Variants in TCEA3 observed in about 807,000 individuals in gnomAD.
TCEA3 encodes transcription elongation factor A3, also known as transcription elongation factor A protein 3.
A neutral mutation model predicts 44.0 loss-of-function variants in TCEA3; 36 were observed. That is an observed-to-expected ratio of 0.82 (90% CI 0.63 to 1.08). TCEA3 has a LOEUF of 1.08. TCEA3 is among the 50% of genes least tolerant of loss of function. TCEA3 has a pLI of 0.00. For missense variants in TCEA3, 392 were observed against 441.2 expected, an observed-to-expected ratio of 0.89 and a Z score of 1.00; for synonymous variants, 162 against 159.7, an observed-to-expected ratio of 1.01 and a Z score of -0.11.
chr1:23,385,313 C>A (rs1384617535), intron 9 of TCEA3, among the ~76,000 whole-genome samples: 1 of 152,196 alleles, frequency 6.6e-6, no homozygotes, highest in South Asian at 2.1e-4. Context: ...TGGGTGAGCC[C>A]CAGCAGCCCA....
chr1:23,402,183 T>C (rs1187186620), intron 5 of TCEA3, among the ~76,000 whole-genome samples: 1 of 152,114 alleles, frequency 6.6e-6, no homozygotes, highest in Non-Finnish European at 1.5e-5. Flanking sequence ...GTACTAAACA[T>C]ATAAAAATTA....
chr1:23,384,204 T>C, intron 10 of TCEA3, 142 bp downstream of exon 10: 6 of 1,517,174 alleles, frequency 4.0e-6, no homozygotes, highest in Non-Finnish European at 5.3e-6. Flanking sequence ...TCCGCCACTA[T>C]CTCTGGCTCT....
intron 7 of TCEA3, among the ~76,000 whole-genome samples, chr1:23,394,352 C>T (rs982245868): frequency 6.6e-6 from 1 of 152,150 alleles, no homozygotes; most frequent in African/African-American, 2.4e-5. Flanking sequence ...CCTCTACACG[C>T]CTGAGTTTCC....
intron 10 of TCEA3, among the ~76,000 whole-genome samples, chr1:23,382,184 T>G (rs1313008894): frequency 6.6e-6 from 1 of 151,986 alleles, no homozygotes; most frequent in Non-Finnish European, 1.5e-5. Context: ...GTAGCTGGGA[T>G]TACAGGCATG....
At chr1:23,392,428 C>CAT in intron 8 of TCEA3, among the ~76,000 whole-genome samples, 1 of 23,064 alleles carries the variant, frequency 4.3e-5, no homozygotes, top group African/African-American at 1.6e-4. Context: ...TACACACACA[C>CAT]TCCACACATC....
chr1:23,384,376 G>A lies in TCEA3; in HGVS notation c.1008C>T (p.Val336=). ...AGCGATTGCCACATTCATTGCATAAGACAAAGGTAGTCATGGGCTCATCAG... is the reference window on the plus strand; with the variant it reads ...AGCGATTGCCACATTCATTGCATAAAACAAAGGTAGTCATGGGCTCATCAG... ...RSADEPMTTF[V]LCNECGNRWK... The change falls in exon 10 of 11, where the codon GTC becomes GTT. Residue 336 remains valine (V), a synonymous_variant. Transcript: ENST00000450454. The A allele has an allele frequency of 6.2e-7, 1 of 1,613,936 alleles. No individual in the cohort carries two copies. Among genetic ancestry groups the A allele is most frequent in the Non-Finnish European group, 8.5e-7 (1 of 1,179,876 alleles).
At chr1:23,415,924 C>T (rs1259977642) in intron 4 of TCEA3, among the ~76,000 whole-genome samples, 2 of 151,364 alleles carry the variant, frequency 1.3e-5, no homozygotes, top group African/African-American at 4.9e-5. Context: ...AAAAGCCATA[C>T]ACTAACTCAT....
intron 5 of TCEA3, among the ~76,000 whole-genome samples, chr1:23,402,671 C>G (rs536618771): frequency 1.3e-5 from 2 of 152,294 alleles, no homozygotes; most frequent in East Asian, 3.9e-4. Flanking sequence ...GCTTTTACAG[C>G]ACTTATCCAA....
In TCEA3 at chr1:23,424,668, AG is replaced by A; in HGVS notation, c.-36del. 6.4e-7 allele frequency: 1 copy of A among 1,569,708 alleles called. No homozygotes were observed. ...CGACGCCCGGCGGGGCGAGGGGCAC[AG>A]GGGCAGCAGTAGGGCCTCGGGGGCA... On this transcript the variant is annotated 5_prime_UTR_variant, in exon 1 of 11. Coordinates refer to ENST00000450454, the MANE Select transcript of TCEA3 (RefSeq NM_003196.3).
At chr1:23,385,154 TC>T (rs1638796337) in intron 9 of TCEA3, among the ~76,000 whole-genome samples, 1 of 152,192 alleles carries the variant, frequency 6.6e-6, no homozygotes, top group South Asian at 2.1e-4. Flanking sequence ...CCCTGGCATT[TC>T]CAGGTTTAAC....
chr1:23,402,697 G>T (rs190518099), intron 5 of TCEA3, among the ~76,000 whole-genome samples: 1 of 152,306 alleles, frequency 6.6e-6, no homozygotes, highest in East Asian at 1.9e-4. Context: ...TGATTAGCTT[G>T]TTTATGTGTT....
intron 8 of TCEA3, among the ~76,000 whole-genome samples, chr1:23,393,245 T>C (rs1410143814): frequency 6.6e-6 from 1 of 152,156 alleles, no homozygotes; most frequent in East Asian, 1.9e-4. Context: ...TAAATACAGA[T>C]GAAGCTTCGC....
intron 1 of TCEA3, among the ~76,000 whole-genome samples, chr1:23,421,098 A>C (rs1380148245): frequency 5.9e-5 from 9 of 152,170 alleles, no homozygotes; most frequent in Non-Finnish European, 7.4e-5. Context: ...TGACCTGCAG[A>C]TGTGTGTGTA....
chr1:23,407,049 C>T (rs1639564724), intron 5 of TCEA3, among the ~76,000 whole-genome samples: 1 of 152,214 alleles, frequency 6.6e-6, no homozygotes, highest in South Asian at 2.1e-4. Context: ...ACATCGAGAC[C>T]TGAACTCTGG....
At chr1:23,404,645 A>C (rs926010061) in intron 5 of TCEA3, among the ~76,000 whole-genome samples, 11 of 151,988 alleles carry the variant, frequency 7.2e-5, no homozygotes, top group African/African-American at 2.7e-4. Flanking sequence ...AAAAATGTGA[A>C]TATGTTGCTG....
chr1:23,411,282 G>A (rs879847568), intron 4 of TCEA3, among the ~76,000 whole-genome samples: 24 of 152,068 alleles, frequency 1.6e-4, no homozygotes, highest in Non-Finnish European at 3.2e-4. Flanking sequence ...TCAGCCTCCC[G>A]AGTAGCTGGG....
intron 5 of TCEA3, among the ~76,000 whole-genome samples, chr1:23,398,653 C>T (rs762924693): frequency 5.9e-5 from 9 of 152,138 alleles, no homozygotes; most frequent in African/African-American, 9.7e-5. Context: ...TATTTTAAGA[C>T]GAGGAAATAA....
intron 5 of TCEA3, chr1:23,404,051 C>T: frequency 4.3e-6 from 3 of 694,490 alleles, no homozygotes; most frequent in Admixed American, 2.0e-5. Flanking sequence ...CGCACCAGTC[C>T]TTAGAAAATC....
chr1:23,409,996 C>G lies in TCEA3; in HGVS notation c.381-1270G>C, dbSNP rs180807402. Among the ~76,000 whole-genome samples, 33 of 152,214 alleles carry G rather than the reference C, an allele frequency of 2.2e-4. 5 individuals are homozygous for G. The East Asian group carries it at 6.3e-3, about 29-fold the overall frequency. On this transcript the variant is annotated intron_variant, in intron 4 of 10. Coordinates refer to ENST00000450454, the MANE Select transcript of TCEA3 (RefSeq NM_003196.3). ...TTGGGTGCTCACTCTCTCAGTGCCT[C>G]TGGACCCAAGAGCTGCCTCCTGCAA...
Sources: allele counts gnomAD v4.1 joint callset (sites outside exome capture counted in the v4.1 genomes callset), GRCh38; gene constraint gnomAD v4.1.1; transcripts MANE v1.5; gene names NCBI Gene and HGNC (gene_info 2026-07-23, HGNC 2026-07-21).